The following GALNT17 variants were observed in gnomAD, a reference collection of about 807,000 sequenced individuals.
GALNT17 encodes polypeptide N-acetylgalactosaminyltransferase 17, also known as UDP-GalNAc:polypeptide N-acetylgalactosaminyltransferase-like 3.
GALNT17 carries 29 observed loss-of-function variants against 63.7 expected under a neutral mutation model. That is an observed-to-expected ratio of 0.46 (90% CI 0.34 to 0.62). GALNT17 has a LOEUF of 0.62. Among genes scored for constraint, GALNT17 ranks in the 20% least tolerant of loss-of-function variants. The pLI is 0.01. For synonymous variants in GALNT17, 305 were observed against 318.3 expected (o/e 0.96, Z 0.45); for missense variants, 603 against 799.6 (o/e 0.75, Z 2.97).
At chr7:71,239,767 A>G (rs1789960777) in intron 1 of GALNT17, among the ~76,000 whole-genome samples, 1 of 152,242 alleles carries the variant, frequency 6.6e-6, no homozygotes. Flanking sequence ...GAGGCTCTGG[A>G]AAACAGGTTT....
intron 1 of GALNT17, among the ~76,000 whole-genome samples, chr7:71,242,986 C>T (rs1422775543): frequency 2.0e-5 from 3 of 152,218 alleles, no homozygotes; most frequent in African/African-American, 4.8e-5. Flanking sequence ...ATCTGGTCCA[C>T]TGATATGATT....
intron 3 of GALNT17, among the ~76,000 whole-genome samples, chr7:71,389,684 C>T (rs894183465): frequency 1.3e-5 from 2 of 152,116 alleles, no homozygotes; most frequent in East Asian, 1.9e-4. Context: ...AATTCCTCCT[C>T]CACTCCCCAC....
chr7:71,496,141 C>CTA (rs1194689952), intron 5 of GALNT17, among the ~76,000 whole-genome samples: 10 of 152,122 alleles, frequency 6.6e-5, no homozygotes, highest in Admixed American at 6.5e-4. Context: ...CCCCAATGTA[C>CTA]TATTATTTTA....
chr7:71,164,020 A>C (rs1415324192), intron 1 of GALNT17, among the ~76,000 whole-genome samples: 1 of 152,204 alleles, frequency 6.6e-6, no homozygotes, highest in Non-Finnish European at 1.5e-5. Context: ...TAGAGTGGAA[A>C]CAGAGCATTT....
intron 3 of GALNT17, among the ~76,000 whole-genome samples, chr7:71,401,244 C>G (rs767912123): frequency 3.3e-5 from 5 of 151,686 alleles, no homozygotes; most frequent in Non-Finnish European, 5.9e-5. Flanking sequence ...TTACAGGTGC[C>G]CACCACCACA....
At chr7:71,145,965 C>G (rs1238623056) in intron 1 of GALNT17, among the ~76,000 whole-genome samples, 1 of 152,128 alleles carries the variant, frequency 6.6e-6, no homozygotes, top group Non-Finnish European at 1.5e-5. Context: ...CTTGGCCTCC[C>G]AAAGTGCTGG....
At chr7:71,381,740 T>G (rs1367823890) in intron 2 of GALNT17, among the ~76,000 whole-genome samples, 1 of 152,010 alleles carries the variant, frequency 6.6e-6, no homozygotes, top group Non-Finnish European at 1.5e-5. Context: ...GATCATGCCA[T>G]GGCACTCCAG....
At chr7:71,295,272 G>A (rs1472509911) in intron 1 of GALNT17, among the ~76,000 whole-genome samples, 1 of 151,984 alleles carries the variant, frequency 6.6e-6, no homozygotes, top group Non-Finnish European at 1.5e-5. Flanking sequence ...TCTTCCTTTG[G>A]ACATGTCTAG....
chr7:71,563,370 T>G (rs1413808370), intron 5 of GALNT17, among the ~76,000 whole-genome samples: 1 of 152,076 alleles, frequency 6.6e-6, no homozygotes, highest in Non-Finnish European at 1.5e-5. Flanking sequence ...TTGCTCCTGA[T>G]TGTCAGGATG....
intron 5 of GALNT17, among the ~76,000 whole-genome samples, chr7:71,544,811 A>G (rs1439428309): frequency 6.6e-6 from 1 of 150,576 alleles, no homozygotes; most frequent in Non-Finnish European, 1.5e-5. Context: ...GATGAGCTGT[A>G]TCATTTTGTG....
intron 1 of GALNT17, among the ~76,000 whole-genome samples, chr7:71,143,820 A>G (rs1463136663): frequency 1.3e-5 from 2 of 151,800 alleles, no homozygotes; most frequent in East Asian, 3.9e-4. Flanking sequence ...TGGGAGGATC[A>G]CTTGAGCCTG....
intron 1 of GALNT17, among the ~76,000 whole-genome samples, chr7:71,303,324 A>C (rs1161382189): frequency 6.6e-6 from 1 of 151,812 alleles, no homozygotes; most frequent in Admixed American, 6.6e-5. Flanking sequence ...CAGCTAATTT[A>C]TATTTTTTTT....
intron 1 of GALNT17, among the ~76,000 whole-genome samples, chr7:71,140,087 C>G (rs1290690191): frequency 1.3e-5 from 2 of 152,202 alleles, no homozygotes; most frequent in Non-Finnish European, 2.9e-5. Flanking sequence ...CAGAGGTGGT[C>G]TGGTGTTATA....
intron 5 of GALNT17, among the ~76,000 whole-genome samples, chr7:71,567,208 A>G (rs1789363367): frequency 6.6e-6 from 1 of 152,180 alleles, no homozygotes; most frequent in African/African-American, 2.4e-5. Flanking sequence ...AAAAGGCGCC[A>G]AGAGCTGGGA....
rs185793551 is a variant in GALNT17, at chr7:71,329,591, A to G, written c.239-5959A>G. Among the ~76,000 whole-genome samples, 591 of 152,168 alleles carry G rather than the reference A, an allele frequency of 3.9e-3. 4 individuals carry two copies. The highest frequency in any genetic ancestry group is 0.013 in the African/African-American group (554 of 41,502). ...AAGCATGGTTTGGAGGCCTCAGGAA[A>G]CTTAGAATCATGGCAGAAGGCGAAA... On this transcript the variant is annotated intron_variant, in intron 1 of 10. Coordinates refer to ENST00000333538, the MANE Select transcript of GALNT17 (RefSeq NM_022479.3).
chr7:71,344,738 A>G (rs1563019657), intron 2 of GALNT17, among the ~76,000 whole-genome samples: 2 of 152,126 alleles, frequency 1.3e-5, no homozygotes, highest in Admixed American at 1.3e-4. Context: ...CAAGCACTTT[A>G]TTATTATTGT....
chr7:71,476,547 A>G (rs1041648545), intron 5 of GALNT17, among the ~76,000 whole-genome samples: 1 of 151,890 alleles, frequency 6.6e-6, no homozygotes, highest in Non-Finnish European at 1.5e-5. Context: ...AGGTTGACTA[A>G]TTGTTGAAGG....
At chr7:71,161,603 C>T (rs1030264573) in intron 1 of GALNT17, among the ~76,000 whole-genome samples, 6 of 152,120 alleles carry the variant, frequency 3.9e-5, no homozygotes, top group Non-Finnish European at 5.9e-5. Context: ...TTCTGTCATT[C>T]AGTGTCTGAA....
chr7:71,691,107 G>A (rs189034881), intron 9 of GALNT17, among the ~76,000 whole-genome samples: 99 of 152,260 alleles, frequency 6.5e-4, no homozygotes, highest in Non-Finnish European at 1.0e-3. Flanking sequence ...ATGGAAGGGA[G>A]AGAGTCAATT....
Sources: allele counts gnomAD v4.1 joint callset (sites outside exome capture counted in the v4.1 genomes callset), GRCh38; gene constraint gnomAD v4.1.1; transcripts MANE v1.5; gene names NCBI Gene and HGNC (gene_info 2026-07-23, HGNC 2026-07-21).